Variants in CYFIP2 observed in about 807,000 individuals in gnomAD.
CYFIP2 encodes the protein cytoplasmic FMR1 interacting protein 2, also known as cytoplasmic FMR1-interacting protein 2.
CYFIP2 carries 29 observed loss-of-function variants against 158.7 expected under a neutral mutation model. That is an observed-to-expected ratio of 0.18 (90% CI 0.14 to 0.25). The LOEUF (loss-of-function observed/expected upper bound fraction) is 0.25, where lower values mean the gene tolerates loss of function less well. Among genes scored for constraint, CYFIP2 ranks in the 10% least tolerant of loss-of-function variants. CYFIP2 has a pLI of 1.00. For missense variants in CYFIP2, 852 were observed against 1,639.5 expected (o/e 0.52, Z 8.29); for synonymous variants, 585 against 617.6 (o/e 0.95, Z 0.78).
At chr5:157,274,001 G>A (rs1756328484) in intron 1 of CYFIP2, among the ~76,000 whole-genome samples, 1 of 152,050 alleles carries the variant, frequency 6.6e-6, no homozygotes, top group Non-Finnish European at 1.5e-5. Context: ...CAGGCATGGT[G>A]GCAGGTGCCT....
At chr5:157,309,192 C>G (rs1323052916) in intron 9 of CYFIP2, among the ~76,000 whole-genome samples, 2 of 152,166 alleles carry the variant, frequency 1.3e-5, no homozygotes, top group African/African-American at 4.8e-5. Context: ...TTTTAAAGTG[C>G]TTGGCATAGT....
At position 157,311,270 on chromosome 5, in the gene CYFIP2, A is replaced by C; in HGVS notation, c.993-394A>C. 2.7e-6 allele frequency: 1 copy of C among 374,978 alleles called. No homozygotes were observed. Among genetic ancestry groups the C allele is most frequent in the South Asian group, 2.0e-5 (1 of 49,764 alleles). 23.2% of individuals were successfully genotyped at this position (374,978 alleles called of 1,614,324 possible). A position where few individuals can be genotyped will look rare whatever the true frequency, so the allele number is the denominator to read the frequency against. On this transcript the variant is annotated intron_variant, in intron 10 of 30. Coordinates refer to ENST00000620254, the MANE Select transcript of CYFIP2 (RefSeq NM_001037333.3). The surrounding 1 kb of genome is among the most constrained non-coding windows in gnomAD (Gnocchi z 4.7). ...CCCCCAAAGCCAGCTTCAACCGCAG[A>C]GTGTCTGTGCTGTCAGAGTGGGTAG...
chr5:157,343,436 G>A lies in CYFIP2; in HGVS notation c.2673+2279G>A, dbSNP rs746011811. The A allele has an allele frequency of 2.5e-6, 4 of 1,614,080 alleles. No individual in the cohort carries two copies. In the Admixed American group the frequency reaches 6.7e-5, roughly 27 times the overall value. On this transcript the variant is annotated intron_variant, in intron 23 of 30. Transcript: ENST00000620254. ...GCCAGAGAAGATGCTGTTCCAGTTG[G>A]GCCTGTACATAATATGGTAATAGTC...
At chr5:157,275,371 A>G (rs1756462497) in intron 1 of CYFIP2, among the ~76,000 whole-genome samples, 1 of 152,218 alleles carries the variant, frequency 6.6e-6, no homozygotes, top group African/African-American at 2.4e-5. Flanking sequence ...CAAATTTTGC[A>G]TGTGGGTATC....
chr5:157,380,370 A>G (rs959839613), intron 26 of CYFIP2, among the ~76,000 whole-genome samples: 1 of 152,274 alleles, frequency 6.6e-6, no homozygotes, highest in Non-Finnish European at 1.5e-5. Flanking sequence ...TTTCAGAGAC[A>G]AACCATGAAC....
intron 30 of CYFIP2, 142 bp downstream of exon 30, chr5:157,390,810 T>C: frequency 7.4e-7 from 1 of 1,355,504 alleles, no homozygotes; most frequent in Non-Finnish European, 1.0e-6. Flanking sequence ...GCTGGGGACC[T>C]GCTTAGAGGA....
rs1580982032 is a variant in CYFIP2 at position 157,289,735 on chromosome 5, C to T, written c.207+2627C>T. ...CCAAATACAGTCACATTCTGAGGTC[C>T]TGTGGGGTTAGGGCTTCAACCTATA... is the stretch of plus-strand genomic sequence containing the variant. On this transcript the variant is annotated intron_variant, in intron 3 of 30. Coordinates refer to ENST00000620254, the MANE Select transcript of CYFIP2 (RefSeq NM_001037333.3). 2.0e-5 allele frequency among the ~76,000 whole-genome samples: 3 copies of T among 152,180 alleles called. No individual in the cohort carries two copies. The South Asian group carries it at 6.2e-4, about 32-fold the overall frequency.
At chr5:157,325,381 C>A in intron 16 of CYFIP2, 101 bp from the exon 17 acceptor site, 1 of 1,334,146 alleles carries the variant, frequency 7.5e-7, no homozygotes, top group Non-Finnish European at 9.9e-7. Context: ...CTGCTACATA[C>A]CTAACACAGT....
intron 9 of CYFIP2, among the ~76,000 whole-genome samples, chr5:157,308,098 C>T (rs1249843333): frequency 6.6e-6 from 1 of 151,128 alleles, no homozygotes; most frequent in African/African-American, 2.4e-5. Flanking sequence ...ACACATCGTT[C>T]CAAGTTGCAG....
chr5:157,307,523 G>A (rs1284090127), intron 8 of CYFIP2, among the ~76,000 whole-genome samples: 3 of 152,176 alleles, frequency 2.0e-5, no homozygotes, highest in Non-Finnish European at 4.4e-5. Context: ...AGTAAGGGCT[G>A]AAGAAGTAGC....
At chr5:157,316,249 A>G (rs1463378791) in intron 13 of CYFIP2, among the ~76,000 whole-genome samples, 2 of 152,246 alleles carry the variant, frequency 1.3e-5, no homozygotes, top group African/African-American at 2.4e-5. Flanking sequence ...AAATATGCAT[A>G]TACACATAAA....
chr5:157,348,056 G>A (rs1171911030), intron 23 of CYFIP2, among the ~76,000 whole-genome samples: 1 of 152,230 alleles, frequency 6.6e-6, no homozygotes, highest in Admixed American at 6.5e-5. Context: ...CATCATCAGG[G>A]ACAATTCCTC....
At chr5:157,378,724 C>T (rs1042536022) in intron 26 of CYFIP2, among the ~76,000 whole-genome samples, 4 of 152,154 alleles carry the variant, frequency 2.6e-5, no homozygotes, top group African/African-American at 9.7e-5. Context: ...CCCTATCTCA[C>T]AGGGCTGTCC....
At chr5:157,326,128 G>A (rs1409499415) in intron 17 of CYFIP2, 43 bp from the exon 18 acceptor site, 9 of 1,415,866 alleles carry the variant, frequency 6.4e-6, no homozygotes, top group East Asian at 2.3e-5. Context: ...CTTCCTTAAG[G>A]GGGGTTATTA....
chr5:157,361,707 T>C lies in CYFIP2; in HGVS notation c.3039+109T>C. ...ATTGATTTGTGCTTTGAGTACAAGC[T>C]CACATGCTCTTTTCAGTTCATTTCC... On this transcript the variant is annotated intron_variant, in intron 26 of 30. Coordinates refer to ENST00000620254, the MANE Select transcript of CYFIP2 (RefSeq NM_001037333.3). This position sits in a 1 kb window ranked among gnomAD's most constrained non-coding sequence, Gnocchi z 4.4. 6 of 1,340,904 alleles carry C rather than the reference T, an allele frequency of 4.5e-6. No individual in the cohort carries two copies. The highest frequency in any genetic ancestry group is 6.2e-6 in the Non-Finnish European group (6 of 975,398). The allele number at this position is 1,340,904 out of a possible 1,614,324, so 83.1% of individuals were successfully genotyped here.
intron 4 of CYFIP2, among the ~76,000 whole-genome samples, chr5:157,295,317 ACTTG>A (rs574986122): frequency 2.0e-5 from 3 of 152,214 alleles, no homozygotes; most frequent in African/African-American, 7.2e-5. Flanking sequence ...TTGTTCTGCC[ACTTG>A]CTTTTTTCCC....
intron 23 of CYFIP2, among the ~76,000 whole-genome samples, chr5:157,346,798 A>G (rs1762727583): frequency 6.6e-6 from 1 of 152,214 alleles, no homozygotes; most frequent in Non-Finnish European, 1.5e-5. Context: ...CTGCTTCCCA[A>G]TCAATCAGTT....
intron 22 of CYFIP2, 70 bp downstream of exon 22, chr5:157,339,326 A>G: frequency 7.1e-7 from 1 of 1,404,404 alleles, no homozygotes; most frequent in Non-Finnish European, 1.0e-6. Context: ...CCTCCAAACT[A>G]GGCCCAGTAC....
chr5:157,330,950 C>A, intron 20 of CYFIP2, 100 bp downstream of exon 20: 3 of 874,668 alleles, frequency 3.4e-6, no homozygotes, highest in South Asian at 1.5e-5. Context: ...ATTGTCTGCC[C>A]GGCATGTTGC....
Sources: gnomAD v4.1 joint callset for allele counts (sites outside exome capture counted in the v4.1 genomes callset) on GRCh38, gnomAD v4.1.1 for gene constraint, Gnocchi (gnomAD v3.1) non-coding constraint, MANE v1.5 for transcripts, NCBI Gene and HGNC (gene_info 2026-07-23, HGNC 2026-07-21) for gene names.